Variants in RNLS observed in about 807,000 individuals in gnomAD.
The protein encoded by RNLS is renalase, FAD dependent amine oxidase, also known as renalase.
Under a neutral mutation model 39.8 loss-of-function variants are expected in RNLS, and 39 were observed. That is an observed-to-expected ratio of 0.98 (90% CI 0.76 to 1.28). The LOEUF (loss-of-function observed/expected upper bound fraction) is 1.28. Ranked by LOEUF, RNLS falls within the 50% of genes most tolerant of loss-of-function variation. RNLS has a pLI of 0.00. For missense variants in RNLS, 410 were observed against 413.3 expected, an observed-to-expected ratio of 0.99 and a Z score of 0.07; for synonymous variants, 147 against 150.7, an observed-to-expected ratio of 0.98 and a Z score of 0.18.
intron 4 of RNLS, among the ~76,000 whole-genome samples, chr10:88,524,327 G>T (rs1159043040): frequency 6.6e-6 from 1 of 152,032 alleles, no homozygotes; most frequent in African/African-American, 2.4e-5. Flanking sequence ...GCCCAATTCA[G>T]CAACAGACAA....
chr10:88,316,643 G>C (rs368351157), intron 5 of RNLS, among the ~76,000 whole-genome samples: 5 of 152,128 alleles, frequency 3.3e-5, no homozygotes, highest in African/African-American at 1.2e-4. Context: ...GGGGAAACTC[G>C]TAAAGTCACT....
chr10:88,382,807 G>T (rs570990081), intron 4 of RNLS, among the ~76,000 whole-genome samples: 2 of 152,064 alleles, frequency 1.3e-5, no homozygotes, highest in Admixed American at 1.3e-4. Flanking sequence ...AGTGATTAAA[G>T]AATTAGCCTA....
intron 6 of RNLS, among the ~76,000 whole-genome samples, chr10:88,292,146 A>G (rs1170622089): frequency 6.6e-6 from 1 of 151,748 alleles, no homozygotes; most frequent in Non-Finnish European, 1.5e-5. Flanking sequence ...TTTGCAGCCT[A>G]GATCCTGGGG....
chr10:88,303,922 C>T (rs1844727315), intron 6 of RNLS, among the ~76,000 whole-genome samples: 1 of 152,224 alleles, frequency 6.6e-6, no homozygotes, highest in African/African-American at 2.4e-5. Flanking sequence ...TGAACACTCA[C>T]AGGGAGGCAA....
intron 6 of RNLS, among the ~76,000 whole-genome samples, chr10:88,287,722 CAA>C (rs1491522076): frequency 2.6e-5 from 4 of 151,996 alleles, no homozygotes; most frequent in African/African-American, 9.7e-5. Context: ...TGGCAGCAGG[CAA>C]GAGAGAGAGA....
chr10:88,543,908 A>ACT (rs1481143658), intron 4 of RNLS, among the ~76,000 whole-genome samples: 1 of 152,188 alleles, frequency 6.6e-6, no homozygotes, highest in African/African-American at 2.4e-5. Context: ...TAGTAATCTG[A>ACT]CTACAGAGAA....
At chr10:88,257,553 T>C in the RNLS span, among the ~76,000 whole-genome samples, 1 of 152,126 alleles carries the variant, frequency 6.6e-6, no homozygotes, top group Non-Finnish European at 1.5e-5. Flanking sequence ...GTTAAGTGAA[T>C]GACAACTGGG....
At chr10:88,330,377 A>G (rs1847023157) in intron 5 of RNLS, among the ~76,000 whole-genome samples, 1 of 152,002 alleles carries the variant, frequency 6.6e-6, no homozygotes, top group African/African-American at 2.4e-5. Flanking sequence ...TCTGGCACCA[A>G]ATCTGCTTAA....
chr10:88,376,987 T>C (rs1194947810), intron 4 of RNLS, among the ~76,000 whole-genome samples: 1 of 152,128 alleles, frequency 6.6e-6, no homozygotes, highest in African/African-American at 2.4e-5. Context: ...TCATAAGAAA[T>C]ATCAAACCAT....
At chr10:88,230,379 A>G in the RNLS span, among the ~76,000 whole-genome samples, 2 of 152,172 alleles carry the variant, frequency 1.3e-5, no homozygotes, top group African/African-American at 2.4e-5. Flanking sequence ...TTTGATCTCC[A>G]TGGTTTCTTC....
intron 4 of RNLS, among the ~76,000 whole-genome samples, chr10:88,368,713 T>C (rs1850311210): frequency 6.6e-6 from 1 of 152,166 alleles, no homozygotes; most frequent in Non-Finnish European, 1.5e-5. Context: ...TCATTAATGT[T>C]GAACATTCGT....
At chr10:88,192,044 T>C in the RNLS span, among the ~76,000 whole-genome samples, 20 of 152,004 alleles carry the variant, frequency 1.3e-4, no homozygotes, top group African/African-American at 4.6e-4. Context: ...TATACACCCA[T>C]GGGGTACCTA....
intron 4 of RNLS, among the ~76,000 whole-genome samples, chr10:88,500,812 G>A (rs552145722): frequency 6.6e-6 from 1 of 152,138 alleles, no homozygotes; most frequent in Non-Finnish European, 1.5e-5. Context: ...ACCCCTTTAA[G>A]AGATTACTCA....
At chr10:88,479,306 A>T (rs1478480900) in intron 4 of RNLS, among the ~76,000 whole-genome samples, 1 of 152,210 alleles carries the variant, frequency 6.6e-6, no homozygotes, top group Non-Finnish European at 1.5e-5. Context: ...CTATAATTTT[A>T]GGAAGACAAA....
chr10:88,377,259 C>T (rs992351983), intron 4 of RNLS, among the ~76,000 whole-genome samples: 10 of 144,052 alleles, frequency 6.9e-5, no homozygotes, highest in East Asian at 3.9e-4. Flanking sequence ...CACACACACA[C>T]GCACACATCC....
At chr10:88,214,498 CAAAAAAA>C in the RNLS span, among the ~76,000 whole-genome samples, 5 of 135,134 alleles carry the variant, frequency 3.7e-5, no homozygotes, top group African/African-American at 8.1e-5. Flanking sequence ...GACTCCGTCT[CAAAAAAA>C]AAAAAAAAAA....
chr10:88,322,367 G>A (rs1169344808), intron 5 of RNLS, among the ~76,000 whole-genome samples: 3 of 152,234 alleles, frequency 2.0e-5, no homozygotes. Flanking sequence ...CCCCGATATG[G>A]TTTGGGCTCT....
At chr10:88,394,559 A>G (rs367960456) in intron 4 of RNLS, among the ~76,000 whole-genome samples, 3 of 152,048 alleles carry the variant, frequency 2.0e-5, no homozygotes, top group African/African-American at 2.4e-5. Context: ...TGCTGGAGAG[A>G]ATGTGGAGAA....
At chr10:88,254,129 T>A in the RNLS span, among the ~76,000 whole-genome samples, 2 of 152,192 alleles carry the variant, frequency 1.3e-5, no homozygotes, top group African/African-American at 2.4e-5. Context: ...ATTCTCACTC[T>A]CATAGTAGTT....
Sources: allele counts gnomAD v4.1 joint callset (sites outside exome capture counted in the v4.1 genomes callset), GRCh38; gene constraint gnomAD v4.1.1; transcripts MANE v1.5; gene names NCBI Gene and HGNC (gene_info 2026-07-23, HGNC 2026-07-21).